The following SEMA3E variants were observed in gnomAD, a reference collection of about 807,000 sequenced individuals.
SEMA3E encodes semaphorin 3E.
SEMA3E carries 49 observed loss-of-function variants against 93.6 expected under a neutral mutation model. The observed-to-expected ratio is 0.52, with a 90% CI of 0.42 to 0.66. The LOEUF (loss-of-function observed/expected upper bound fraction) is 0.66, where lower values mean the gene tolerates loss of function less well. Ranked by LOEUF, SEMA3E falls within the 30% of genes least tolerant of loss-of-function variation. SEMA3E has a pLI of 0.00. For missense variants in SEMA3E, 906 were observed against 964.8 expected (o/e 0.94, Z 0.81); for synonymous variants, 363 against 330.7 (o/e 1.10, Z -1.06).
At chr7:83,627,628 C>CTTTT (rs746550123) in intron 1 of SEMA3E, among the ~76,000 whole-genome samples, 48 of 65,340 alleles carry the variant, frequency 7.3e-4, no homozygotes, top group African/African-American at 1.7e-3. Flanking sequence ...GCAACCCCTG[C>CTTTT]TTTTTTTTTT....
At chr7:83,515,439 G>A (rs1423827715) in intron 1 of SEMA3E, among the ~76,000 whole-genome samples, 4 of 152,086 alleles carry the variant, frequency 2.6e-5, no homozygotes, top group Non-Finnish European at 5.9e-5. Context: ...AAATGATACT[G>A]ATTTTCTTAA....
intron 1 of SEMA3E, among the ~76,000 whole-genome samples, chr7:83,629,636 C>T (rs1443924688): frequency 1.3e-5 from 2 of 152,122 alleles, no homozygotes; most frequent in Admixed American, 1.3e-4. Flanking sequence ...GCAGACGCCC[C>T]TCCCCCCAAG....
At chr7:83,545,829 A>T (rs1359243110) in intron 1 of SEMA3E, among the ~76,000 whole-genome samples, 2 of 146,988 alleles carry the variant, frequency 1.4e-5, no homozygotes, top group Non-Finnish European at 3.0e-5. Flanking sequence ...ATATATATAT[A>T]ATATATATCT....
intron 1 of SEMA3E, among the ~76,000 whole-genome samples, chr7:83,618,440 G>A (rs901357252): frequency 2.6e-5 from 4 of 151,776 alleles, no homozygotes; most frequent in African/African-American, 9.7e-5. Flanking sequence ...CTTCATTCTG[G>A]TAAAGCTTAT....
In SEMA3E at chr7:83,595,776, A is replaced by G. The variant is rs541235151; in HGVS notation, c.115+52652T>C. ...ACAGAGAGGAATCACATCTCGGTAC[A>G]TCACGGTAGGAAGTTTATGATTTGA... On this transcript the variant is annotated intron_variant, in intron 1 of 16. Transcript: ENST00000643230. Among the ~76,000 whole-genome samples the G allele has an allele frequency of 9.9e-4, 151 of 151,968 alleles. 1 individual carries two copies. The highest frequency in any genetic ancestry group is 1.7e-3 in the Non-Finnish European group (115 of 67,928).
At chr7:83,377,179 GCTTGATTT>G (rs1562751478) in intron 16 of SEMA3E, among the ~76,000 whole-genome samples, 1 of 151,902 alleles carries the variant, frequency 6.6e-6, no homozygotes, top group Non-Finnish European at 1.5e-5. Flanking sequence ...TATTCACATT[GCTTGATTT>G]TATTGAAAAT....
At chr7:83,625,576 C>T (rs977929148) in intron 1 of SEMA3E, among the ~76,000 whole-genome samples, 18 of 151,980 alleles carry the variant, frequency 1.2e-4, no homozygotes, top group Non-Finnish European at 1.8e-4. Flanking sequence ...ACTTTGCTGA[C>T]GTTGCTTATC....
At chr7:83,475,542 T>G (rs145522273) in intron 2 of SEMA3E, among the ~76,000 whole-genome samples, 38 of 152,212 alleles carry the variant, frequency 2.5e-4, no homozygotes, top group African/African-American at 8.7e-4. Context: ...CCCTCAGGTG[T>G]GACACGTATC....
intron 2 of SEMA3E, among the ~76,000 whole-genome samples, chr7:83,471,285 A>G (rs1181842465): frequency 1.3e-5 from 2 of 148,730 alleles, no homozygotes; most frequent in Non-Finnish European, 3.0e-5. Flanking sequence ...TAGCTGCTCA[A>G]TCAAATCTCT....
At chr7:83,466,375 T>C in intron 4 of SEMA3E, 107 bp downstream of exon 4, 1 of 1,337,932 alleles carries the variant, frequency 7.5e-7, no homozygotes, top group Admixed American at 1.7e-5. Context: ...ATTCAGTACA[T>C]CGCAAATGCT....
Position 83,546,945 on chromosome 7 carries a change from A to C in SEMA3E, c.116-56671T>G, listed in dbSNP as rs116604035. On this transcript the variant is annotated intron_variant, in intron 1 of 16. Coordinates refer to ENST00000643230, the MANE Select transcript of SEMA3E (RefSeq NM_012431.3). ...TAAACAAAAAGTGCATGACAAATTT[A>C]AGATGAAATTAAGCAAGCCTAATGT... Among the ~76,000 whole-genome samples the C allele has an allele frequency of 7.2e-3, 1,103 of 152,244 alleles. 11 individuals are homozygous for C. Among genetic ancestry groups the C allele is most frequent in the African/African-American group, 0.025 (1,045 of 41,530 alleles).
Position 83,389,633 on chromosome 7 carries a change from C to T in SEMA3E, c.1668-2583G>A, listed in dbSNP as rs1254519722. Reference sequence around the variant, plus strand: ...TATATATTACATGTATACATACACACACATACACGTATATATTACATGTAT... The same window carrying T: ...TATATATTACATGTATACATACACATACATACACGTATATATTACATGTAT... On this transcript the variant is annotated intron_variant, in intron 14 of 16. Transcript: ENST00000643230. Among the ~76,000 whole-genome samples, 3 of 151,034 alleles carry T rather than the reference C, an allele frequency of 2.0e-5. No homozygotes were observed. In the South Asian group the frequency reaches 6.4e-4, roughly 32 times the overall value.
At chr7:83,403,627 T>C (rs1788272565) in intron 9 of SEMA3E, among the ~76,000 whole-genome samples, 1 of 152,100 alleles carries the variant, frequency 6.6e-6, no homozygotes, top group South Asian at 2.1e-4. Flanking sequence ...ATTGTAAGAA[T>C]CCAAATAATT....
intron 1 of SEMA3E, among the ~76,000 whole-genome samples, chr7:83,537,179 T>A (rs1791425433): frequency 6.6e-6 from 1 of 152,170 alleles, no homozygotes; most frequent in Admixed American, 6.6e-5. Flanking sequence ...GGAAACTTGA[T>A]CTTGGACTTA....
Position 83,456,845 on chromosome 7 carries a change from C to T in SEMA3E, c.456+9637G>A, listed in dbSNP as rs1462270461. Among the ~76,000 whole-genome samples the T allele has an allele frequency of 3.9e-5, 6 of 152,020 alleles. No homozygotes were observed. The East Asian group carries it at 7.7e-4, about 20-fold the overall frequency. On this transcript the variant is annotated intron_variant, in intron 4 of 16. Transcript: ENST00000643230. ...GCCAGGCTGGTCTTGAACTCCTGAC[C>T]TCAGGTGATCTGTCAGCCTTGGCCT... is the stretch of plus-strand genomic sequence containing the variant.
Position 83,367,868 on chromosome 7 carries a change from A to G in SEMA3E, c.2046T>C (p.Phe682=), listed in dbSNP as rs770953721. Residue 682 remains phenylalanine (F), a synonymous_variant, in exon 17 of 17, where the codon TTT becomes TTC. Coordinates refer to ENST00000643230, the MANE Select transcript of SEMA3E (RefSeq NM_012431.3). ...GCCTGTCCTCCTCATCGTCCTTGTT[A>G]AACATATCCTCGACTTTCTCCTCTT... ...VVEEEKVEDM[F]NKDDEEDRHH... 3.7e-6 allele frequency: 6 copies of G among 1,612,014 alleles called. No individual in the cohort carries two copies. Among genetic ancestry groups the G allele is most frequent in the Admixed American group, 1.7e-5 (1 of 59,860 alleles).
Position 83,408,518 on chromosome 7 carries a change from A to G in SEMA3E, c.551-31T>C, listed in dbSNP as rs111878804. 6.1e-5 allele frequency: 99 copies of G among 1,611,252 alleles called. 4 individuals carry two copies. The African/African-American group carries it at 7.6e-4, about 12-fold the overall frequency. On this transcript the variant is annotated intron_variant, in intron 5 of 16. Transcript: ENST00000643230. ...CGGGAGCATCAGTAAAAAAGAAGTC[A>G]GTATTTGTTAATATGTTAACAAATT...
At chr7:83,515,077 G>A (rs574460249) in intron 1 of SEMA3E, among the ~76,000 whole-genome samples, 14 of 151,986 alleles carry the variant, frequency 9.2e-5, no homozygotes, top group African/African-American at 2.7e-4. Flanking sequence ...TTTCCTTGCC[G>A]GAGCAAATAA....
chr7:83,464,003 TTTC>T (rs1245216965), intron 4 of SEMA3E, among the ~76,000 whole-genome samples: 1 of 152,140 alleles, frequency 6.6e-6, no homozygotes, highest in Admixed American at 6.5e-5. Flanking sequence ...ACGGCAGTCA[TTTC>T]TTCCATTCTG....
Sources: gnomAD v4.1 joint callset for allele counts (sites outside exome capture counted in the v4.1 genomes callset) on GRCh38, gnomAD v4.1.1 for gene constraint, MANE v1.5 for transcripts, NCBI Gene and HGNC (gene_info 2026-07-23, HGNC 2026-07-21) for gene names.